The following ROCK2 variants were observed in gnomAD, a reference collection of about 807,000 sequenced individuals.
ROCK2 encodes the protein rho-associated protein kinase 2.
Under a neutral mutation model 195.1 loss-of-function variants are expected in ROCK2, and 61 were observed. The observed-to-expected ratio is 0.31, with a 90% CI of 0.25 to 0.39. The LOEUF (loss-of-function observed/expected upper bound fraction) is 0.39, where lower values mean the gene tolerates loss of function less well. Ranked by LOEUF, ROCK2 falls within the 10% of genes least tolerant of loss-of-function variation. The probability of loss-of-function intolerance (pLI) is 1.00; values close to 1 mark genes in which losing one functional copy is unlikely to be tolerated. For synonymous variants in ROCK2, 504 were observed against 545.5 expected (o/e 0.92, Z 1.06); for missense variants, 1,109 against 1,637.4 (o/e 0.68, Z 5.57).
At chr2:11,267,967 G>C (rs931705006) in intron 3 of ROCK2, among the ~76,000 whole-genome samples, 7 of 151,566 alleles carry the variant, frequency 4.6e-5, no homozygotes, top group Admixed American at 2.0e-4. Context: ...TTTTAAGACA[G>C]GGCAACAGGT....
chr2:11,180,480 T>C lies in ROCK2; in HGVS notation c.*2957A>G, dbSNP rs925362775. 1.3e-5 allele frequency: 2 copies of C among 152,212 alleles called. No homozygotes were observed. The highest frequency in any genetic ancestry group is 2.9e-5 in the Non-Finnish European group (2 of 68,040). 9.4% of individuals were successfully genotyped at this position (152,212 alleles called of 1,614,324 possible). A position where few individuals can be genotyped will look rare whatever the true frequency, so the allele number is the denominator to read the frequency against. On this transcript the variant is annotated 3_prime_UTR_variant, in exon 33 of 33. Transcript: ENST00000315872. ...CTTTCATATAGATTTTTAAAACTTG[T>C]TTCTAGAGAACATGGTTTTTTAAAA...
At chr2:11,196,138 A>G (rs1355921570) in intron 27 of ROCK2, among the ~76,000 whole-genome samples, 3 of 152,206 alleles carry the variant, frequency 2.0e-5, no homozygotes. Flanking sequence ...CCTAATTTAG[A>G]TGAGGAAACT....
intron 11 of ROCK2, 36 bp from the exon 12 acceptor site, chr2:11,217,205 G>C (rs957762512): frequency 3.7e-6 from 4 of 1,074,728 alleles, no homozygotes; most frequent in Non-Finnish European, 5.7e-6. Flanking sequence ...TACGTATTTT[G>C]GTCATATTTA....
At chr2:11,306,483 A>G (rs1033853028) in intron 1 of ROCK2, among the ~76,000 whole-genome samples, 2 of 152,232 alleles carry the variant, frequency 1.3e-5, no homozygotes, top group Admixed American at 1.3e-4. Flanking sequence ...TTAAAATGCA[A>G]ACTGATAGGC....
At chr2:11,330,023 T>C (rs1166023729) in intron 1 of ROCK2, among the ~76,000 whole-genome samples, 1 of 152,218 alleles carries the variant, frequency 6.6e-6, no homozygotes, top group Non-Finnish European at 1.5e-5. Context: ...CTGGAGCATC[T>C]TGTACAACAC....
At chr2:11,189,381 T>C (rs1663328476) in intron 32 of ROCK2, among the ~76,000 whole-genome samples, 1 of 152,304 alleles carries the variant, frequency 6.6e-6, no homozygotes, top group East Asian at 1.9e-4. Context: ...TGGGCTTTAG[T>C]CCAGTAGAAT....
In ROCK2 at chr2:11,192,752, G is replaced by T; in HGVS notation, c.3688-40C>A. 6.4e-7 allele frequency: 1 copy of T among 1,565,302 alleles called. No individual in the cohort carries two copies. The highest frequency in any genetic ancestry group is 8.6e-7 in the Non-Finnish European group (1 of 1,157,628). ...AGAACAATAAGTGATTTCCAAACAT[G>T]CTATTTTTTTATGTAGGAACAATTC... On this transcript the variant is annotated intron_variant, in intron 30 of 32. Coordinates refer to ENST00000315872, the MANE Select transcript of ROCK2 (RefSeq NM_004850.5). This position sits in a 1 kb window ranked among gnomAD's most constrained non-coding sequence, Gnocchi z 5.0.
chr2:11,317,612 A>ATATATATATATTTTTTTTT (rs59701503), intron 1 of ROCK2, among the ~76,000 whole-genome samples: 1 of 19,312 alleles, frequency 5.2e-5, no homozygotes, highest in African/African-American at 1.6e-4. Context: ...ATATATATAT[A>ATATATATATATTTTTTTTT]TTTTTTTTTT....
At chr2:11,302,009 T>C (rs1667722655) in intron 1 of ROCK2, among the ~76,000 whole-genome samples, 2 of 151,966 alleles carry the variant, frequency 1.3e-5, no homozygotes, top group Admixed American at 1.3e-4. Context: ...TTTCACCATG[T>C]TGACTAGGCT....
At chr2:11,254,989 G>A (rs370132343) in intron 3 of ROCK2, among the ~76,000 whole-genome samples, 12 of 151,958 alleles carry the variant, frequency 7.9e-5, no homozygotes, top group East Asian at 3.9e-4. Flanking sequence ...AGGCTGAGGC[G>A]GGCAGATCAT....
chr2:11,261,971 T>C (rs753209362), intron 3 of ROCK2, among the ~76,000 whole-genome samples: 5 of 152,204 alleles, frequency 3.3e-5, no homozygotes, highest in Non-Finnish European at 5.9e-5. Context: ...AGTTATTGCA[T>C]AGATAAAATG....
chr2:11,224,596 A>C (rs538499285), intron 6 of ROCK2, 136 bp from the exon 7 acceptor site: 2 of 733,912 alleles, frequency 2.7e-6, no homozygotes, highest in Admixed American at 2.7e-5. Flanking sequence ...ACAGAGTCCC[A>C]GTCAAAACAA....
chr2:11,308,016 G>C, intron 1 of ROCK2: 1 of 1,556,242 alleles, frequency 6.4e-7, no homozygotes, highest in Non-Finnish European at 8.7e-7. Context: ...GACGGGGTGG[G>C]GACCAGCCAT....
intron 3 of ROCK2, among the ~76,000 whole-genome samples, chr2:11,281,957 T>C (rs1340287592): frequency 6.6e-6 from 1 of 152,044 alleles, no homozygotes; most frequent in Non-Finnish European, 1.5e-5. Flanking sequence ...ATATTTTCAA[T>C]CCAATCACAA....
intron 29 of ROCK2, 76 bp from the exon 30 acceptor site, chr2:11,193,933 T>C: frequency 2.6e-6 from 2 of 783,056 alleles, no homozygotes; most frequent in Non-Finnish European, 4.1e-6. Flanking sequence ...TATACTTACA[T>C]CAGACGTTAA....
At chr2:11,329,466 CA>C (rs11347828) in intron 1 of ROCK2, among the ~76,000 whole-genome samples, 54,402 of 138,370 alleles carry the variant, frequency 0.39, 10,090 homozygotes, top group East Asian at 0.55. Context: ...ATCCCATCTC[CA>C]AAAAAAAAAA....
At chr2:11,196,267 C>T (rs1300599066) in intron 27 of ROCK2, among the ~76,000 whole-genome samples, 2 of 152,134 alleles carry the variant, frequency 1.3e-5, no homozygotes, top group Non-Finnish European at 2.9e-5. Flanking sequence ...TTTCATGTTT[C>T]TTATGAAGGA....
chr2:11,203,283 GTATGA>G (rs1357783405), intron 20 of ROCK2, among the ~76,000 whole-genome samples: 2 of 152,100 alleles, frequency 1.3e-5, no homozygotes, highest in African/African-American at 4.8e-5. Context: ...AATACAATTT[GTATGA>G]TATAATTTAA....
At chr2:11,322,361 A>G (rs936957001) in intron 1 of ROCK2, among the ~76,000 whole-genome samples, 37 of 151,620 alleles carry the variant, frequency 2.4e-4, no homozygotes, top group African/African-American at 8.5e-4. Context: ...AGGTATCACT[A>G]GTGTGTGTAT....
Sources: gnomAD v4.1 joint callset for allele counts (sites outside exome capture counted in the v4.1 genomes callset) on GRCh38, gnomAD v4.1.1 for gene constraint, Gnocchi (gnomAD v3.1) non-coding constraint, MANE v1.5 for transcripts, NCBI Gene and HGNC (gene_info 2026-07-23, HGNC 2026-07-21) for gene names.